The following NAV3 variants were observed in gnomAD, a reference collection of about 807,000 sequenced individuals.
The protein encoded by NAV3 is neuron navigator 3.
In NAV3, 87 loss-of-function variants were observed where a neutral mutation model predicts 244.7. The ratio of observed to expected loss-of-function variants is 0.36; its 90% CI spans 0.30 to 0.42. The LOEUF is 0.42. Ranked by LOEUF, NAV3 falls within the 20% of genes least tolerant of loss-of-function variation. NAV3 has a pLI of 1.00. For synonymous variants in NAV3, 1,126 were observed against 1,042.2 expected, an observed-to-expected ratio of 1.08 and a Z score of -1.55; for missense variants, 2,663 against 2,893.3, an observed-to-expected ratio of 0.92 and a Z score of 1.83.
At chr12:77,929,798 A>ATTTTTTTTTTTTTTT (rs10602394) in intron 1 of NAV3, among the ~76,000 whole-genome samples, 25 of 106,042 alleles carry the variant, frequency 2.4e-4, no homozygotes, top group South Asian at 3.4e-4. Flanking sequence ...ACGGCCAGCT[A>ATTTTTTTTTTTTTTT]TTTTTTTTTT....
chr12:77,681,148 C>T (rs116531773), intron 2 of NAV3, among the ~76,000 whole-genome samples: 1 of 152,150 alleles, frequency 6.6e-6, no homozygotes, highest in Non-Finnish European at 1.5e-5. Flanking sequence ...TAACCTATTA[C>T]ATCTTTTAAT....
In NAV3 at chr12:78,007,279, G is replaced by A. The variant is rs2136595216; in HGVS notation, c.1741G>A (p.Ala581Thr). The A allele has an allele frequency of 3.7e-6, 6 of 1,614,162 alleles. No individual in the cohort carries two copies. Among genetic ancestry groups the A allele is most frequent in the Non-Finnish European group, 5.1e-6 (6 of 1,180,026 alleles). ...MEKASASSCP[A>T]PLEGREAGQA... ...GAAAGCAAGTGCTTCTAGTTGTCCT[G>A]CCCCTTTGGAAGGAAGGGAAGCTGG... The change falls in exon 8 of 40, where the codon GCC becomes ACC. Residue 581 changes from alanine to threonine, a missense_variant. Transcript: ENST00000397909.
intron 1 of NAV3, among the ~76,000 whole-genome samples, chr12:77,888,629 TC>T (rs1883577505): frequency 6.6e-6 from 1 of 152,200 alleles, no homozygotes; most frequent in East Asian, 1.9e-4. Flanking sequence ...AAATGTTATG[TC>T]CCAAGTAAGT....
At chr12:78,046,614 A>G (rs1221107848) in intron 9 of NAV3, among the ~76,000 whole-genome samples, 1 of 152,118 alleles carries the variant, frequency 6.6e-6, no homozygotes, top group Non-Finnish European at 1.5e-5. Flanking sequence ...TAGGATTTCC[A>G]TTCTTTTGCA....
chr12:77,624,567 AC>A (rs1186206652), intron 2 of NAV3, among the ~76,000 whole-genome samples: 1 of 152,030 alleles, frequency 6.6e-6, no homozygotes, highest in Non-Finnish European at 1.5e-5. Context: ...ATGAGGTTGG[AC>A]TTGGACCAAG....
intron 2 of NAV3, among the ~76,000 whole-genome samples, chr12:77,582,746 T>A (rs1340510198): frequency 6.6e-6 from 1 of 152,166 alleles, no homozygotes; most frequent in Non-Finnish European, 1.5e-5. Flanking sequence ...CACCTTGCTC[T>A]CCTGTAGTGA....
At chr12:77,943,359 C>T (rs1890051514) in intron 3 of NAV3, among the ~76,000 whole-genome samples, 1 of 152,118 alleles carries the variant, frequency 6.6e-6, no homozygotes, top group South Asian at 2.1e-4. Context: ...AGCCAAAAAG[C>T]ATTAGTTGGA....
chr12:78,124,719 G>A (rs1020391707), intron 16 of NAV3, among the ~76,000 whole-genome samples: 11 of 152,138 alleles, frequency 7.2e-5, no homozygotes, highest in African/African-American at 2.7e-4. Context: ...CTCCCAAAGT[G>A]TGGGGATTAC....
intron 2 of NAV3, among the ~76,000 whole-genome samples, chr12:77,627,755 T>C (rs548869718): frequency 6.6e-6 from 1 of 152,080 alleles, no homozygotes; most frequent in Non-Finnish European, 1.5e-5. Context: ...CTATTAACAA[T>C]AGCCAAAATA....
chr12:77,929,863 G>A (rs949560170), intron 1 of NAV3, among the ~76,000 whole-genome samples: 4 of 143,966 alleles, frequency 2.8e-5, no homozygotes, highest in African/African-American at 1.0e-4. Context: ...TGGCCAGGCT[G>A]GTCTTGAACT....
rs182399583 is a variant in NAV3 at position 78,103,760 on chromosome 12, C to A, written c.2637-13012C>A. The stretch of plus-strand genomic sequence containing the variant: ...AGAAATCCCTGATAAAACCATCGGA[C>A]CTTGTAAGACTTATTCACTACCACT... On this transcript the variant is annotated intron_variant, in intron 12 of 39. Transcript: ENST00000397909. Among the ~76,000 whole-genome samples the A allele has an allele frequency of 6.6e-4, 101 of 152,214 alleles. No individual in the cohort carries two copies. In the East Asian group the frequency reaches 0.013, roughly 20 times the overall value.
At chr12:78,009,756 CCT>C (rs1361391564) in intron 8 of NAV3, among the ~76,000 whole-genome samples, 1 of 152,038 alleles carries the variant, frequency 6.6e-6, no homozygotes, top group Non-Finnish European at 1.5e-5. Flanking sequence ...ACTTTCTAAT[CCT>C]ATAAAGTATG....
chr12:77,852,525 C>T (rs955595272), intron 1 of NAV3, among the ~76,000 whole-genome samples: 2 of 151,742 alleles, frequency 1.3e-5, no homozygotes, highest in Non-Finnish European at 2.9e-5. Context: ...GGCAACAGAA[C>T]GAGACTCCCT....
intron 12 of NAV3, among the ~76,000 whole-genome samples, chr12:78,111,217 T>C (rs1955076954): frequency 6.6e-6 from 1 of 152,138 alleles, no homozygotes; most frequent in African/African-American, 2.4e-5. Context: ...CACTATGCAC[T>C]ATATACGTGT....
chr12:78,051,733 T>C (rs1349451742), intron 11 of NAV3, among the ~76,000 whole-genome samples: 1 of 152,184 alleles, frequency 6.6e-6, no homozygotes, highest in Admixed American at 6.5e-5. Context: ...ACTCTTAGAG[T>C]ATATTAACAA....
chr12:78,189,270 T>C (rs1958865085), intron 33 of NAV3, among the ~76,000 whole-genome samples: 1 of 151,902 alleles, frequency 6.6e-6, no homozygotes, highest in African/African-American at 2.4e-5. Flanking sequence ...TAATGTAATA[T>C]CTGAAGCATC....
At chr12:77,870,429 T>C (rs1469249269) in intron 1 of NAV3, among the ~76,000 whole-genome samples, 3 of 151,278 alleles carry the variant, frequency 2.0e-5, no homozygotes, top group Non-Finnish European at 1.5e-5. Context: ...AGCAAGAATA[T>C]ATAGGGGACA....
chr12:77,706,270 TG>T (rs1443830079), intron 2 of NAV3, among the ~76,000 whole-genome samples: 1 of 151,434 alleles, frequency 6.6e-6, no homozygotes, highest in African/African-American at 2.4e-5. Context: ...TTATGAATGC[TG>T]AAAAAATAAT....
At chr12:78,009,814 G>T (rs570701688) in intron 8 of NAV3, among the ~76,000 whole-genome samples, 4 of 152,228 alleles carry the variant, frequency 2.6e-5, no homozygotes, top group Middle Eastern at 3.4e-3. Context: ...AAAGATTAAA[G>T]AAAATAATCC....
Sources: gnomAD v4.1 joint callset for allele counts (sites outside exome capture counted in the v4.1 genomes callset) on GRCh38, gnomAD v4.1.1 for gene constraint, MANE v1.5 for transcripts, NCBI Gene and HGNC (gene_info 2026-07-23, HGNC 2026-07-21) for gene names.